PCDH9: variants seen among roughly 807,000 people sequenced by gnomAD.
PCDH9 encodes protocadherin 9, also known as protocadherin-9.
Under a neutral mutation model 70.6 loss-of-function variants are expected in PCDH9, and 24 were observed. The observed-to-expected ratio is 0.34, with a 90% CI of 0.25 to 0.48. PCDH9 has a LOEUF of 0.48. Ranked by LOEUF, PCDH9 falls within the 20% of genes least tolerant of loss-of-function variation. PCDH9 has a pLI of 0.99. For synonymous variants in PCDH9, 562 were observed against 558.5 expected, an observed-to-expected ratio of 1.01 and a Z score of -0.09; for missense variants, 1,281 against 1,503.6, an observed-to-expected ratio of 0.85 and a Z score of 2.45.
chr13:66,468,602 C>T (rs1958558890), intron 4 of PCDH9, among the ~76,000 whole-genome samples: 1 of 152,056 alleles, frequency 6.6e-6, no homozygotes, highest in African/African-American at 2.4e-5. Flanking sequence ...TTAAATGTTT[C>T]CCAGAAAGCA....
intron 2 of PCDH9, among the ~76,000 whole-genome samples, chr13:67,003,266 A>G (rs1846105685): frequency 1.3e-5 from 2 of 152,168 alleles, no homozygotes; most frequent in Non-Finnish European, 2.9e-5. Context: ...GCGACTTTAC[A>G]AATAACTTCC....
chr13:67,019,501 T>C (rs1187857791), intron 2 of PCDH9, among the ~76,000 whole-genome samples: 2 of 151,656 alleles, frequency 1.3e-5, no homozygotes, highest in East Asian at 1.9e-4. Context: ...GCCCACGCAG[T>C]TGCTCTTAAA....
chr13:67,003,383 G>GA (rs11461995), intron 2 of PCDH9, among the ~76,000 whole-genome samples: 25,727 of 151,378 alleles, frequency 0.17, 2,277 homozygotes, highest in Middle Eastern at 0.23. Context: ...TGGTAAAAAA[G>GA]AAAAAAAAGA....
intron 2 of PCDH9, among the ~76,000 whole-genome samples, chr13:67,018,645 A>G (rs527771806): frequency 6.6e-6 from 1 of 151,554 alleles, no homozygotes; most frequent in South Asian, 2.1e-4. Flanking sequence ...AAAAAAAAAG[A>G]TACAAGGGAT....
At chr13:67,018,455 C>T (rs936067585) in intron 2 of PCDH9, among the ~76,000 whole-genome samples, 2 of 151,828 alleles carry the variant, frequency 1.3e-5, no homozygotes, top group African/African-American at 2.4e-5. Flanking sequence ...CCCGTCTCTA[C>T]TAAAAATACA....
At chr13:67,184,873 C>A (rs1030958529) in intron 2 of PCDH9, among the ~76,000 whole-genome samples, 1 of 152,128 alleles carries the variant, frequency 6.6e-6, no homozygotes, top group African/African-American at 2.4e-5. Context: ...CTTTTCTGAC[C>A]TGTCAAAAGA....
intron 4 of PCDH9, among the ~76,000 whole-genome samples, chr13:66,562,807 T>C (rs1347431737): frequency 6.6e-6 from 1 of 151,762 alleles, no homozygotes; most frequent in Admixed American, 6.6e-5. Context: ...TGAAATGGAG[T>C]CACAGGACTC....
At chr13:66,901,477 C>G (rs9671000) in intron 3 of PCDH9, among the ~76,000 whole-genome samples, 4,508 of 151,696 alleles carry the variant, frequency 0.03, 236 homozygotes, top group African/African-American at 0.1. Context: ...CAAAACCATT[C>G]AGAGAAAATG....
chr13:67,183,254 A>G (rs532405561), intron 2 of PCDH9, among the ~76,000 whole-genome samples: 96 of 152,148 alleles, frequency 6.3e-4, no homozygotes, highest in Non-Finnish European at 1.1e-3. Flanking sequence ...ACCACGTCCA[A>G]CCATGGACTC....
intron 3 of PCDH9, among the ~76,000 whole-genome samples, chr13:66,726,060 G>A (rs772278656): frequency 6.6e-6 from 1 of 152,128 alleles, no homozygotes; most frequent in Non-Finnish European, 1.5e-5. Context: ...AGCTAGATAG[G>A]ATACTTGCCA....
At chr13:66,474,368 A>T (rs1958679135) in intron 4 of PCDH9, among the ~76,000 whole-genome samples, 1 of 152,166 alleles carries the variant, frequency 6.6e-6, no homozygotes, top group Non-Finnish European at 1.5e-5. Flanking sequence ...AGAAAAACAG[A>T]TAAATTCACT....
At chr13:66,407,359 G>T (rs813664) in intron 4 of PCDH9, among the ~76,000 whole-genome samples, 2 of 152,086 alleles carry the variant, frequency 1.3e-5, no homozygotes, top group Non-Finnish European at 2.9e-5. Context: ...TGTTCAATAA[G>T]GGACACAGGT....
At chr13:67,106,304 T>C (rs1007194588) in intron 2 of PCDH9, among the ~76,000 whole-genome samples, 2 of 152,208 alleles carry the variant, frequency 1.3e-5, no homozygotes, top group Non-Finnish European at 2.9e-5. Context: ...ATGTGGTAGA[T>C]ACATGTAACC....
intron 2 of PCDH9, among the ~76,000 whole-genome samples, chr13:66,987,105 T>A (rs1175933762): frequency 6.6e-6 from 1 of 152,058 alleles, no homozygotes; most frequent in Non-Finnish European, 1.5e-5. Flanking sequence ...TACTTAAATT[T>A]ATTACAATGA....
intron 2 of PCDH9, among the ~76,000 whole-genome samples, chr13:67,032,255 C>A (rs2084922639): frequency 6.6e-6 from 1 of 152,110 alleles, no homozygotes; most frequent in South Asian, 2.1e-4. Context: ...GCCATCTTCC[C>A]ACCTCAACCT....
At chr13:66,466,252 G>C (rs1355959732) in intron 4 of PCDH9, among the ~76,000 whole-genome samples, 1 of 150,972 alleles carries the variant, frequency 6.6e-6, no homozygotes, top group Admixed American at 6.6e-5. Flanking sequence ...GAAGAAGTTA[G>C]AAATATCTTT....
chr13:66,979,774 C>A lies in PCDH9; in HGVS notation c.3037-76169G>T, dbSNP rs1240720578. Among the ~76,000 whole-genome samples, 3 of 152,106 alleles carry A rather than the reference C, an allele frequency of 2.0e-5. No individual in the cohort carries two copies. In the East Asian group the frequency reaches 5.8e-4, roughly 29 times the overall value. ...ACCTCTGTGTCTGTCAAATCACAAA[C>A]ACTTTTCTGTGCTCATTTTATAAGA... On this transcript the variant is annotated intron_variant, in intron 2 of 4. Coordinates refer to ENST00000377865, the MANE Select transcript of PCDH9 (RefSeq NM_203487.3).
intron 3 of PCDH9, among the ~76,000 whole-genome samples, chr13:66,874,942 TGAGAGAGA>T (rs1555279830): frequency 9.1e-6 from 1 of 109,934 alleles, no homozygotes; most frequent in Non-Finnish European, 2.2e-5. Context: ...TGTGTGTGTG[TGAGAGAGA>T]GAGAGAGAGA....
chr13:66,524,559 G>C (rs1022587362), intron 4 of PCDH9, among the ~76,000 whole-genome samples: 4 of 151,924 alleles, frequency 2.6e-5, no homozygotes, highest in African/African-American at 9.7e-5. Context: ...TCAGCTAAAG[G>C]GGGGTGTTAA....
Sources: gnomAD v4.1 joint callset for allele counts (sites outside exome capture counted in the v4.1 genomes callset) on GRCh38, gnomAD v4.1.1 for gene constraint, MANE v1.5 for transcripts, NCBI Gene and HGNC (gene_info 2026-07-23, HGNC 2026-07-21) for gene names.